Variants in GALNTL6 observed in about 807,000 individuals in gnomAD.
GALNTL6 encodes the protein polypeptide N-acetylgalactosaminyltransferase like 6, also known as polypeptide N-acetylgalactosaminyltransferase-like 6.
GALNTL6 carries 46 observed loss-of-function variants against 73.7 expected under a neutral mutation model. The observed-to-expected ratio is 0.62, with a 90% CI of 0.49 to 0.80. The LOEUF (loss-of-function observed/expected upper bound fraction) is 0.80, where lower values mean the gene tolerates loss of function less well. GALNTL6 is among the 30% of genes least tolerant of loss of function. The pLI is 0.00. For synonymous variants in GALNTL6, 259 were observed against 263.7 expected (o/e 0.98, Z 0.17); for missense variants, 604 against 755.0 (o/e 0.80, Z 2.34).
At chr4:172,743,948 C>T (rs988109778) in intron 5 of GALNTL6, among the ~76,000 whole-genome samples, 1 of 152,064 alleles carries the variant, frequency 6.6e-6, no homozygotes, top group African/African-American at 2.4e-5. Context: ...TACTTCAGAT[C>T]TTTTAAGTGG....
At chr4:172,665,522 A>G (rs1731612900) in intron 5 of GALNTL6, among the ~76,000 whole-genome samples, 1 of 152,234 alleles carries the variant, frequency 6.6e-6, no homozygotes, top group South Asian at 2.1e-4. Context: ...GGTTGCTAAT[A>G]GCTACCACAC....
chr4:172,052,167 T>C (rs1011390841), intron 2 of GALNTL6, among the ~76,000 whole-genome samples: 7 of 152,154 alleles, frequency 4.6e-5, no homozygotes, highest in African/African-American at 1.2e-4. Flanking sequence ...TCCTCACATA[T>C]AATTTGAGAA....
At chr4:171,992,253 T>G (rs1223838936) in intron 2 of GALNTL6, among the ~76,000 whole-genome samples, 2 of 151,350 alleles carry the variant, frequency 1.3e-5, no homozygotes, top group Non-Finnish European at 3.0e-5. Flanking sequence ...TACTGCTGGG[T>G]TTTTTTTTCT....
intron 5 of GALNTL6, among the ~76,000 whole-genome samples, chr4:172,455,361 C>T (rs1732357238): frequency 6.6e-6 from 1 of 152,152 alleles, no homozygotes; most frequent in Non-Finnish European, 1.5e-5. Flanking sequence ...GAGACAGAAC[C>T]ATTCACTCCC....
intron 3 of GALNTL6, among the ~76,000 whole-genome samples, chr4:172,303,566 G>T (rs1003627068): frequency 6.6e-6 from 1 of 152,012 alleles, no homozygotes; most frequent in South Asian, 2.1e-4. Context: ...AAATTGTATT[G>T]TGTATATTTA....
intron 3 of GALNTL6, among the ~76,000 whole-genome samples, chr4:172,260,018 G>GGTA (rs1738203956): frequency 6.7e-6 from 1 of 149,310 alleles, no homozygotes; most frequent in Non-Finnish European, 1.5e-5. Context: ...TAACCAAAGT[G>GGTA]ATGTGAAGCC....
At chr4:172,704,453 C>G (rs11734825) in intron 5 of GALNTL6, among the ~76,000 whole-genome samples, 5,371 of 151,600 alleles carry the variant, frequency 0.035, 141 homozygotes, top group Middle Eastern at 0.082. Flanking sequence ...CTTCATGAAC[C>G]CTTTGATTGT....
At chr4:171,905,529 C>T (rs1181139318) in intron 2 of GALNTL6, among the ~76,000 whole-genome samples, 1 of 150,112 alleles carries the variant, frequency 6.7e-6, no homozygotes, top group Non-Finnish European at 1.5e-5. Flanking sequence ...CTTAGACTCC[C>T]ACACATTAAT....
At chr4:172,797,562 T>C (rs1403447860) in intron 5 of GALNTL6, among the ~76,000 whole-genome samples, 1 of 151,460 alleles carries the variant, frequency 6.6e-6, no homozygotes, top group Non-Finnish European at 1.5e-5. Flanking sequence ...TGGTTTCTTT[T>C]TCTGAGACAG....
At chr4:172,961,532 G>A (rs536675220) in intron 10 of GALNTL6, among the ~76,000 whole-genome samples, 2 of 152,290 alleles carry the variant, frequency 1.3e-5, no homozygotes, top group South Asian at 2.1e-4. Context: ...GCATCCCCAC[G>A]TGATTACACA....
intron 2 of GALNTL6, among the ~76,000 whole-genome samples, chr4:172,160,998 G>C (rs188945224): frequency 9.9e-5 from 15 of 151,744 alleles, no homozygotes; most frequent in African/African-American, 3.1e-4. Context: ...ATCTAGTATT[G>C]AGAGGTATGT....
At chr4:173,030,837 CA>C (rs34361684) in intron 12 of GALNTL6, among the ~76,000 whole-genome samples, 43,823 of 111,806 alleles carry the variant, frequency 0.39, 7,251 homozygotes, top group African/African-American at 0.49. Flanking sequence ...CTGTCTCTAC[CA>C]AAAAAAAAAA....
chr4:171,955,998 T>TTG (rs71596605), intron 2 of GALNTL6, among the ~76,000 whole-genome samples: 126 of 115,338 alleles, frequency 1.1e-3, no homozygotes, highest in Non-Finnish European at 1.9e-3. Flanking sequence ...ACTTACTAAT[T>TTG]TGTGTGTGTG....
At chr4:172,864,331 A>G (rs1744554110) in intron 7 of GALNTL6, among the ~76,000 whole-genome samples, 1 of 152,162 alleles carries the variant, frequency 6.6e-6, no homozygotes, top group South Asian at 2.1e-4. Context: ...GCATTCATCA[A>G]TGCTTTCTCC....
intron 5 of GALNTL6, among the ~76,000 whole-genome samples, chr4:172,513,669 T>C (rs1182449483): frequency 6.6e-6 from 1 of 152,132 alleles, no homozygotes; most frequent in African/African-American, 2.4e-5. Flanking sequence ...ATTGCAGCAA[T>C]TGATATTTCT....
chr4:172,192,726 C>T (rs1441756620), intron 2 of GALNTL6, among the ~76,000 whole-genome samples: 3 of 152,184 alleles, frequency 2.0e-5, no homozygotes, highest in African/African-American at 7.2e-5. Context: ...GGGTTCCAAG[C>T]ACAGAGCTGT....
At chr4:172,756,137 A>T (rs1737736473) in intron 5 of GALNTL6, among the ~76,000 whole-genome samples, 1 of 152,264 alleles carries the variant, frequency 6.6e-6, no homozygotes, top group Non-Finnish European at 1.5e-5. Flanking sequence ...TTCAGAAGTA[A>T]GTTATTATAG....
At chr4:172,522,441 G>T (rs1734807044) in intron 5 of GALNTL6, among the ~76,000 whole-genome samples, 1 of 152,064 alleles carries the variant, frequency 6.6e-6, no homozygotes, top group East Asian at 1.9e-4. Flanking sequence ...GAGGCTGAAG[G>T]GGGCGGATCA....
intron 10 of GALNTL6, among the ~76,000 whole-genome samples, chr4:172,963,342 C>T (rs1395305938): frequency 6.6e-6 from 1 of 152,192 alleles, no homozygotes; most frequent in East Asian, 1.9e-4. Context: ...CACATGCATA[C>T]TTAAACACTC....
Sources: gnomAD v4.1 joint callset for allele counts (sites outside exome capture counted in the v4.1 genomes callset) on GRCh38, gnomAD v4.1.1 for gene constraint, MANE v1.5 for transcripts, NCBI Gene and HGNC (gene_info 2026-07-23, HGNC 2026-07-21) for gene names.